Variants in SNX30 observed in about 807,000 individuals in gnomAD.
SNX30 encodes sorting nexin family member 30.
SNX30 carries 24 observed loss-of-function variants against 46.4 expected under a neutral mutation model. The ratio of observed to expected loss-of-function variants is 0.52; its 90% CI spans 0.37 to 0.73. The LOEUF is 0.73. Ranked by LOEUF, SNX30 falls within the 30% of genes least tolerant of loss-of-function variation. The pLI, the probability that SNX30 is intolerant of heterozygous loss-of-function variation, is 0.00. For missense variants in SNX30, 533 were observed against 555.7 expected (o/e 0.96, Z 0.41); for synonymous variants, 189 against 211.5 (o/e 0.89, Z 0.92).
At chr9:112,876,944 AAAG>A (rs1841524978), downstream of SNX30, among the ~76,000 whole-genome samples, 2 of 151,466 alleles carry the variant, frequency 1.3e-5, no homozygotes, top group African/African-American at 4.9e-5. Context: ...AAAAAAAAAA[AAAG>A]GATGCAGGGA....
In SNX30 at chr9:112,838,580, G is replaced by A. The variant is rs768694439; in HGVS notation, c.897G>A (p.Glu299=). 2 of 1,614,212 alleles carry A rather than the reference G, an allele frequency of 1.2e-6. No homozygotes were observed. Among genetic ancestry groups the A allele is most frequent in the South Asian group, 2.2e-5 (2 of 91,082 alleles). ...AGGGTGAGCTGGCTGAACCCCTGGA[G>A]GGTGTGTCAGCTTGCATTGGGAACT... ...ALEGELAEPL[E]GVSACIGNCS... is the part of the protein sequence containing the mutation. Residue 299 remains glutamate, a synonymous_variant, in exon 6 of 9, where the codon GAG becomes GAA. Coordinates refer to ENST00000374232, the MANE Select transcript of SNX30 (RefSeq NM_001012994.2).
intron 4 of SNX30, among the ~76,000 whole-genome samples, chr9:112,833,562 A>G (rs969491583): frequency 6.6e-6 from 1 of 152,232 alleles, no homozygotes; most frequent in Non-Finnish European, 1.5e-5. Context: ...CTCAATAGCA[A>G]CTATATTCAA....
chr9:112,826,974 G>A (rs1023979687), intron 3 of SNX30, among the ~76,000 whole-genome samples: 5 of 152,152 alleles, frequency 3.3e-5, no homozygotes, highest in East Asian at 1.9e-4. Context: ...GGTGTCACAC[G>A]TGGACATGTT....
At chr9:112,866,479 A>G (rs531401219) in intron 8 of SNX30, 173 of 470,804 alleles carry the variant, frequency 3.7e-4, no homozygotes, top group African/African-American at 2.9e-3. Flanking sequence ...TGGCTGACAT[A>G]CAAAGTCCAT....
At chr9:112,826,245 C>T (rs1229243100) in intron 3 of SNX30, among the ~76,000 whole-genome samples, 2 of 152,068 alleles carry the variant, frequency 1.3e-5, no homozygotes, top group East Asian at 1.9e-4. Context: ...TTAAAAGGGC[C>T]GTTTCTGCAC....
chr9:112,878,328 C>G (rs1243357243), downstream of SNX30: 4 of 152,302 alleles, frequency 2.6e-5, no homozygotes, highest in Non-Finnish European at 5.9e-5. Flanking sequence ...ACACTGAATT[C>G]CTAAACCTTT....
At chr9:112,780,589 T>C (rs1040596577) in intron 1 of SNX30, among the ~76,000 whole-genome samples, 15 of 152,182 alleles carry the variant, frequency 9.9e-5, no homozygotes, top group African/African-American at 3.6e-4. Context: ...TTTTTTGCTT[T>C]CTCTATGTGG....
chr9:112,758,538 C>T (rs1157902070), intron 1 of SNX30, among the ~76,000 whole-genome samples: 1 of 152,044 alleles, frequency 6.6e-6, no homozygotes, highest in Non-Finnish European at 1.5e-5. Context: ...CCATGTTGGC[C>T]AGGCTGGTCT....
chr9:112,794,570 GAGGCTTTGTC>G, intron 1 of SNX30, among the ~76,000 whole-genome samples: 1 of 152,328 alleles, frequency 6.6e-6, no homozygotes, highest in Non-Finnish European at 1.5e-5. Flanking sequence ...GATGCCTTGA[GAGGCTTTGTC>G]AGGCTCCTCT....
intron 1 of SNX30, among the ~76,000 whole-genome samples, chr9:112,771,367 TG>T (rs1267030345): frequency 1.3e-5 from 2 of 152,228 alleles, no homozygotes; most frequent in Admixed American, 1.3e-4. Context: ...TTGTAAACTA[TG>T]GTAGTTTTTG....
At chr9:112,783,816 G>A (rs1839881365) in intron 1 of SNX30, among the ~76,000 whole-genome samples, 1 of 152,180 alleles carries the variant, frequency 6.6e-6, no homozygotes, top group African/African-American at 2.4e-5. Context: ...GGAAAAAACG[G>A]TTTGAATCAG....
downstream of SNX30, among the ~76,000 whole-genome samples, chr9:112,883,602 A>G (rs1378224396): frequency 6.6e-6 from 1 of 151,700 alleles, no homozygotes; most frequent in Non-Finnish European, 1.5e-5. Flanking sequence ...AAAAAAGAAG[A>G]TGGATGCAAA....
chr9:112,785,944 A>T (rs1051022152), intron 1 of SNX30, among the ~76,000 whole-genome samples: 1 of 152,154 alleles, frequency 6.6e-6, no homozygotes, highest in Non-Finnish European at 1.5e-5. Flanking sequence ...AATAATAATA[A>T]TATTCTTCAG....
chr9:112,773,517 A>G (rs923634904), intron 1 of SNX30, among the ~76,000 whole-genome samples: 1 of 152,074 alleles, frequency 6.6e-6, no homozygotes, highest in African/African-American at 2.4e-5. Flanking sequence ...GCTAAGACTT[A>G]CATATATTTT....
chr9:112,791,433 C>T (rs1401108550), intron 1 of SNX30, among the ~76,000 whole-genome samples: 5 of 12,406 alleles, frequency 4.0e-4, no homozygotes, highest in Admixed American at 2.5e-3. Context: ...TTTTTTGAGA[C>T]GGAGCCTTGC....
chr9:112,855,313 G>A (rs931458310), intron 7 of SNX30, among the ~76,000 whole-genome samples: 3 of 152,130 alleles, frequency 2.0e-5, no homozygotes, highest in African/African-American at 7.2e-5. Flanking sequence ...TGGTGGGAGC[G>A]AGGTAGCTCA....
rs750828338 is a variant in SNX30 at position 112,812,098 on chromosome 9, C to T, written c.349-5607C>T. Among the ~76,000 whole-genome samples, 13 of 152,154 alleles carry T rather than the reference C, an allele frequency of 8.5e-5. No individual in the cohort carries two copies. In the South Asian group the frequency reaches 1.7e-3, roughly 19 times the overall value. The stretch of plus-strand genomic sequence containing the variant: ...TTTGCTAGCCTCATTCCTGGCTCTA[C>T]TTTTTCCCTCTGTCCTTGTTTTTTC... On this transcript the variant is annotated intron_variant, in intron 2 of 8. Coordinates refer to ENST00000374232, the MANE Select transcript of SNX30 (RefSeq NM_001012994.2).
At chr9:112,817,610 T>C in intron 2 of SNX30, 95 bp from the exon 3 acceptor site, 1 of 714,712 alleles carries the variant, frequency 1.4e-6, no homozygotes, top group East Asian at 2.6e-5. Context: ...AATATGATCT[T>C]GCCTAGTTTG....
intron 1 of SNX30, among the ~76,000 whole-genome samples, chr9:112,782,308 C>T (rs933211926): frequency 3.2e-4 from 48 of 152,132 alleles, no homozygotes; most frequent in African/African-American, 1.1e-3. Context: ...TCAGGTGGTC[C>T]GCCTGCCTCA....
Sources: gnomAD v4.1 joint callset for allele counts (sites outside exome capture counted in the v4.1 genomes callset) on GRCh38, gnomAD v4.1.1 for gene constraint, MANE v1.5 for transcripts, NCBI Gene and HGNC (gene_info 2026-07-23, HGNC 2026-07-21) for gene names.